The following EPS8 variants were observed in gnomAD, a reference collection of about 807,000 sequenced individuals.
The protein encoded by EPS8 is epidermal growth factor receptor kinase substrate 8.
EPS8 carries 42 observed loss-of-function variants against 103.8 expected under a neutral mutation model. That is an observed-to-expected ratio of 0.40 (90% CI 0.32 to 0.52). EPS8 has a LOEUF of 0.52. Ranked by LOEUF, EPS8 falls within the 20% of genes least tolerant of loss-of-function variation. EPS8 has a pLI of 0.40. For missense variants in EPS8, 969 were observed against 1,005.1 expected, an observed-to-expected ratio of 0.96 and a Z score of 0.49; for synonymous variants, 344 against 344.6, an observed-to-expected ratio of 1.00 and a Z score of 0.02.
chr12:15,655,900 C>T (rs1204526096), intron 12 of EPS8, among the ~76,000 whole-genome samples: 1 of 152,188 alleles, frequency 6.6e-6, no homozygotes, highest in African/African-American at 2.4e-5. Flanking sequence ...CCATCTCCCT[C>T]GTCCAAGTAA....
intron 1 of EPS8, among the ~76,000 whole-genome samples, chr12:15,773,688 T>A (rs1044278387): frequency 8.5e-5 from 13 of 152,168 alleles, no homozygotes; most frequent in Non-Finnish European, 1.5e-4. Context: ...AGTTTTATCA[T>A]TCCAGCAAAT....
rs1040129551 is a variant in EPS8, at chr12:15,721,353, A to AT, written c.-21-38382dup. Among the ~76,000 whole-genome samples, 29 of 152,196 alleles carry AT rather than the reference A, an allele frequency of 1.9e-4. No homozygotes were observed. Among genetic ancestry groups the AT allele is most frequent in the Non-Finnish European group, 2.6e-4 (18 of 68,038 alleles). On this transcript the variant is annotated intron_variant, in intron 1 of 20. Coordinates refer to ENST00000281172, the MANE Select transcript of EPS8 (RefSeq NM_004447.6). The surrounding 1 kb of genome is among the most constrained non-coding windows in gnomAD (Gnocchi z 4.4). ...TTAATTGACAAATAAAACCAAATAG[A>AT]TTTTTTTAACTCCAGTAGCTCATCT...
At chr12:15,672,606 C>A in intron 3 of EPS8, 876 of 340,228 alleles carry the variant, frequency 2.6e-3, no homozygotes, top group Middle Eastern at 5.4e-3. Flanking sequence ...CTGTATTCTA[C>A]ATATTTTTAA....
chr12:15,672,909 T>C (rs1014518823), intron 3 of EPS8, among the ~76,000 whole-genome samples: 3 of 152,186 alleles, frequency 2.0e-5, no homozygotes, highest in African/African-American at 4.8e-5. Flanking sequence ...CACCCAGTCA[T>C]GATATGGCAG....
Position 15,651,006 on chromosome 12 carries a change from T to C in EPS8, c.1251A>G (p.Arg417=). 6.2e-7 allele frequency: 1 copy of C among 1,611,424 alleles called. No homozygotes were observed. ...MSLGGTWMKA[R]AEWPKEQFIP... ...TAAACTGTTCTTTTGGCCACTCTGCTCTGCAGGAGGGAATGAAGGCATATA... is the reference window on the plus strand; with the variant it reads ...TAAACTGTTCTTTTGGCCACTCTGCCCTGCAGGAGGGAATGAAGGCATATA... Residue 417 remains arginine, a splice_region_variant and synonymous_variant, in exon 14 of 21, where the codon AGA becomes AGG. Transcript: ENST00000281172.
intron 1 of EPS8, among the ~76,000 whole-genome samples, chr12:15,730,026 G>A (rs1946696627): frequency 6.6e-6 from 1 of 152,086 alleles, no homozygotes; most frequent in South Asian, 2.1e-4. Flanking sequence ...CTCCGTACTG[G>A]CTATCACAAC....
intron 1 of EPS8, among the ~76,000 whole-genome samples, chr12:15,730,770 T>G (rs1160851263): frequency 6.6e-6 from 1 of 152,144 alleles, no homozygotes; most frequent in Non-Finnish European, 1.5e-5. Context: ...CATCTATACT[T>G]CCTTTCTTGT....
chr12:15,654,696 T>C (rs1945476776), intron 12 of EPS8, among the ~76,000 whole-genome samples: 2 of 152,068 alleles, frequency 1.3e-5, no homozygotes, highest in Admixed American at 1.3e-4. Flanking sequence ...GTTCCCGAAA[T>C]GAGTACTATC....
rs771709404 is a variant in EPS8 at position 15,658,514 on chromosome 12, G to A, written c.1009C>T (p.His337Tyr). 1 of 1,610,396 alleles carries A rather than the reference G, an allele frequency of 6.2e-7. No homozygotes were observed. Among genetic ancestry groups the A allele is most frequent in the African/African-American group, 1.3e-5 (1 of 74,950 alleles). Residue 337 changes from histidine (H) to tyrosine (Y), a missense_variant, in exon 11 of 21, where the codon CAC becomes TAC. Physicochemically the swap from His to Tyr is moderately conservative, Grantham distance 83. Transcript: ENST00000281172. ...EFLDCFQKFK[H>Y]GFNLLAKLKS... is the part of the protein sequence containing the mutation. ...TCACTTACCAGAAGGTTAAATCCGT[G>A]TTTAAACTTTTGGAAACAGTCAAGA...
chr12:15,640,612 T>C (rs1945211810), intron 17 of EPS8, 91 bp downstream of exon 17: 8 of 1,145,528 alleles, frequency 7.0e-6, no homozygotes, highest in South Asian at 1.9e-5. Flanking sequence ...CATCTCAAAA[T>C]GATCAATACA....
chr12:15,645,062 C>T (rs976936801), intron 15 of EPS8, among the ~76,000 whole-genome samples: 1 of 152,020 alleles, frequency 6.6e-6, no homozygotes, highest in Non-Finnish European at 1.5e-5. Context: ...ACTATTATCC[C>T]TTCATGGAAT....
chr12:15,768,906 T>C (rs191303725), intron 1 of EPS8, among the ~76,000 whole-genome samples: 53 of 152,364 alleles, frequency 3.5e-4, no homozygotes, highest in African/African-American at 1.2e-3. Flanking sequence ...CCATTTCTTA[T>C]ATATTATTTT....
intron 10 of EPS8, among the ~76,000 whole-genome samples, chr12:15,660,162 T>C (rs1387344211): frequency 6.6e-6 from 1 of 152,136 alleles, no homozygotes; most frequent in Non-Finnish European, 1.5e-5. Context: ...TTCATCTTAC[T>C]CTTTGCCTAA....
chr12:15,650,862 T>C lies in EPS8; in HGVS notation c.1395A>G (p.Glu465=). 2 of 1,614,186 alleles carry C rather than the reference T, an allele frequency of 1.2e-6. No homozygotes were observed. The highest frequency in any genetic ancestry group is 2.2e-5 in the East Asian group (1 of 44,884). The change falls in exon 14 of 21, where the codon GAA becomes GAG. Residue 465 remains glutamate (E), a synonymous_variant. Transcript: ENST00000281172. ...QLAESVANVA[E]HQRKQEIKRL... Reference sequence around the variant, plus strand: ...TTTTTATTTCCTGTTTGCGCTGATGTTCTGCTACATTTGCCACAGATTCTG... The same window carrying C: ...TTTTTATTTCCTGTTTGCGCTGATGCTCTGCTACATTTGCCACAGATTCTG...
Position 15,778,969 on chromosome 12 carries a change from TTTTC to T in EPS8, c.-22+10188_-22+10191del, listed in dbSNP as rs141554943. Among the ~76,000 whole-genome samples, 151,673 of 151,692 alleles carry T rather than the reference TTTTC, an allele frequency of 1. 75,827 individuals are homozygous for T. The highest frequency in any genetic ancestry group is 1 in the Middle Eastern group (294 of 294). On this transcript the variant is annotated intron_variant, in intron 1 of 20. Coordinates refer to ENST00000281172, the MANE Select transcript of EPS8 (RefSeq NM_004447.6). This position sits in a 1 kb window ranked among gnomAD's most constrained non-coding sequence, Gnocchi z 4.5. ...CCAAGATTTTAAAATGTAACAGACT[TTTTC>T]TTTCTTTCTTTCTTTCTTTTTGAGA...
intron 1 of EPS8, among the ~76,000 whole-genome samples, chr12:15,691,615 G>A (rs2135915371): frequency 6.6e-6 from 1 of 152,272 alleles, no homozygotes. Context: ...GCAAAGGCAG[G>A]AGATGGCTTT....
At chr12:15,630,051 C>G (rs1945016895) in intron 18 of EPS8, among the ~76,000 whole-genome samples, 1 of 151,848 alleles carries the variant, frequency 6.6e-6, no homozygotes, top group East Asian at 1.9e-4. Context: ...CTTTTCCCAA[C>G]AATATAAATA....
At chr12:15,744,659 T>C (rs967567971) in intron 1 of EPS8, among the ~76,000 whole-genome samples, 9 of 152,168 alleles carry the variant, frequency 5.9e-5, no homozygotes, top group Admixed American at 5.9e-4. Context: ...AGAATTTGAG[T>C]AACTTGCAAA....
chr12:15,624,437 T>C (rs1362593788), intron 18 of EPS8, 30 bp from the exon 19 acceptor site: 2 of 1,497,284 alleles, frequency 1.3e-6, no homozygotes, highest in Non-Finnish European at 1.8e-6. Flanking sequence ...AGGTTCTTTT[T>C]GAAAATCCCT....
Sources: gnomAD v4.1 joint callset for allele counts (sites outside exome capture counted in the v4.1 genomes callset) on GRCh38, gnomAD v4.1.1 for gene constraint, Gnocchi (gnomAD v3.1) non-coding constraint, MANE v1.5 for transcripts, NCBI Gene and HGNC (gene_info 2026-07-23, HGNC 2026-07-21) for gene names.